MROH1: variants seen among roughly 807,000 people sequenced by gnomAD.
MROH1 encodes maestro heat like repeat family member 1.
Under a neutral mutation model 116.5 loss-of-function variants are expected in MROH1, and 117 were observed. That is an observed-to-expected ratio of 1.00 (90% CI 0.86 to 1.17). The LOEUF is 1.17. MROH1 is among the 50% of genes most tolerant of loss of function. The probability of loss-of-function intolerance (pLI) is 0.00; values close to 1 mark genes in which losing one functional copy is unlikely to be tolerated. For missense variants in MROH1, 1,873 were observed against 1,338.5 expected, an observed-to-expected ratio of 1.40 and a Z score of -6.23; for synonymous variants, 921 against 583.9, an observed-to-expected ratio of 1.58 and a Z score of -8.32.
intron 14 of MROH1, among the ~76,000 whole-genome samples, chr8:144,228,168 G>GTAT (rs1838167601): frequency 6.6e-6 from 1 of 152,142 alleles, no homozygotes; most frequent in Non-Finnish European, 1.5e-5. Flanking sequence ...ACAGGAGGCT[G>GTAT]AAGCTGCAGT....
chr8:144,191,635 CACGGGTGCTTGCTGG>C, intron 8 of MROH1, 65 bp from the exon 9 acceptor site: 2 of 1,549,666 alleles, frequency 1.3e-6, no homozygotes, highest in Non-Finnish European at 1.7e-6. Context: ...TCACGTCCGT[CACGGGTGCTTGCTGG>C]ACATGCTCTG....
intron 22 of MROH1, 69 bp downstream of exon 22, chr8:144,241,586 C>A (rs1840982976): frequency 3.9e-6 from 3 of 773,674 alleles, no homozygotes; most frequent in Non-Finnish European, 7.2e-6. Flanking sequence ...AGGGGGTGCC[C>A]TGCGGGCTGG....
chr8:144,170,857 C>G (rs1462225532), intron 4 of MROH1, among the ~76,000 whole-genome samples: 1 of 152,248 alleles, frequency 6.6e-6, no homozygotes, highest in African/African-American at 2.4e-5. Context: ...GACAGACAGA[C>G]TCCTCAGGGG....
In MROH1 at chr8:144,239,213, C is replaced by T. The variant is rs1405329851; in HGVS notation, c.1591+34C>T. 6.0e-4 allele frequency: 445 copies of T among 743,238 alleles called. 1 individual carries two copies. The African/African-American group carries it at 7.3e-3, about 12-fold the overall frequency. The allele number at this position is 743,238 out of a possible 1,614,324, so 46.0% of individuals were successfully genotyped here. On this transcript the variant is annotated intron_variant, in intron 16 of 43. Coordinates refer to ENST00000326134, the MANE Select transcript of MROH1 (RefSeq NM_032450.3). ...CGCGCCGTACCCCACCTCCCCACTC[C>T]TGCCCCCACTTCCCCACTCCTGCCC...
chr8:144,225,920 T>G (rs1393744939), intron 14 of MROH1, among the ~76,000 whole-genome samples: 4 of 144,428 alleles, frequency 2.8e-5, no homozygotes, highest in Non-Finnish European at 4.6e-5. Context: ...GTTTTTTTTT[T>G]TTTTTTTTTT....
At chr8:144,222,554 A>G (rs1836999583) in intron 13 of MROH1, among the ~76,000 whole-genome samples, 1 of 151,316 alleles carries the variant, frequency 6.6e-6, no homozygotes, top group Non-Finnish European at 1.5e-5. Flanking sequence ...AGACCCAGGT[A>G]GGTAGGTATA....
At chr8:144,199,250 G>T (rs750966290) in intron 11 of MROH1, 50 bp downstream of exon 11, 4 of 1,567,792 alleles carry the variant, frequency 2.6e-6, no homozygotes, top group Non-Finnish European at 3.5e-6. Context: ...ACACTCACAG[G>T]GTCACTGCCT....
intron 10 of MROH1, 26 bp downstream of exon 10, chr8:144,192,427 G>A (rs1004833616): frequency 5.8e-6 from 9 of 1,550,652 alleles, no homozygotes; most frequent in Admixed American, 1.9e-5. Flanking sequence ...CAGGGGGCGG[G>A]TCCAGGTTCT....
intron 1 of MROH1, among the ~76,000 whole-genome samples, chr8:144,154,655 A>G (rs887804245): frequency 7.3e-5 from 11 of 151,328 alleles, no homozygotes; most frequent in Non-Finnish European, 1.3e-4. Context: ...GCTGTGATTC[A>G]ATACTGCATC....
intron 4 of MROH1, among the ~76,000 whole-genome samples, chr8:144,173,982 G>A (rs1587879676): frequency 6.6e-6 from 1 of 152,126 alleles, no homozygotes; most frequent in Non-Finnish European, 1.5e-5. Context: ...GGAAGGACAG[G>A]TCATGTTCCC....
At position 144,168,363 on chromosome 8, in the gene MROH1, G is replaced by A. The variant is rs1407078962; in HGVS notation, c.91G>A (p.Ala31Thr). ...DPLVQEQVCS[A>T]LCSLGEARPV... ...CCTGGTGCAGGAGCAGGTCTGCAGT[G>A]CCCTGTGCTCCCTCGGGGAGGCGCG... is the stretch of plus-strand genomic sequence containing the variant. The change falls in exon 4 of 44, where the codon GCC becomes ACC. Residue 31 changes from alanine (A) to threonine (T), a missense_variant. Ala to Thr is a moderately conservative substitution (Grantham distance 58). Transcript: ENST00000326134. The A allele has an allele frequency of 3.1e-6, 5 of 1,611,090 alleles. No individual in the cohort carries two copies. Among genetic ancestry groups the A allele is most frequent in the Non-Finnish European group, 3.4e-6 (4 of 1,179,726 alleles).
At chr8:144,227,121 C>T (rs1053797281) in intron 14 of MROH1, among the ~76,000 whole-genome samples, 1 of 152,216 alleles carries the variant, frequency 6.6e-6, no homozygotes, top group Non-Finnish European at 1.5e-5. Flanking sequence ...GACCATGTAT[C>T]CTGTGGCTTT....
chr8:144,213,099 C>T lies in MROH1; in HGVS notation c.1142-7501C>T, dbSNP rs749248379. On this transcript the variant is annotated intron_variant, in intron 12 of 43. Coordinates refer to ENST00000326134, the MANE Select transcript of MROH1 (RefSeq NM_032450.3). ...GCTCCGCAGCCTGCTGATCTAACGGCCGCGCCCGCGTCTGTTGCTTGAGTC... is the reference window on the plus strand; with the variant it reads ...GCTCCGCAGCCTGCTGATCTAACGGTCGCGCCCGCGTCTGTTGCTTGAGTC... 7.7e-6 allele frequency: 6 copies of T among 776,346 alleles called. No individual in the cohort carries two copies. In the South Asian group the frequency reaches 8.0e-5, roughly 10 times the overall value. 48.1% of individuals were successfully genotyped at this position (776,346 alleles called of 1,614,324 possible). A position where few individuals can be genotyped will look rare whatever the true frequency, so the allele number is the denominator to read the frequency against.
At chr8:144,155,112 G>A (rs949429149) in intron 1 of MROH1, among the ~76,000 whole-genome samples, 2 of 152,008 alleles carry the variant, frequency 1.3e-5, no homozygotes, top group South Asian at 2.1e-4. Context: ...CACCACGCCC[G>A]GCCTAATTTT....
chr8:144,175,622 T>C, intron 4 of MROH1: 1 of 10,816 alleles, frequency 9.2e-5, no homozygotes, highest in African/African-American at 1.0e-4. Flanking sequence ...GTGTCTAGAT[T>C]ATGAAAGTCA....
At chr8:144,256,211 C>G (rs2129676930) in intron 35 of MROH1, among the ~76,000 whole-genome samples, 1 of 152,274 alleles carries the variant, frequency 6.6e-6, no homozygotes, top group East Asian at 1.9e-4. Context: ...ATAGCACAGA[C>G]AGAGGAGGCT....
At chr8:144,181,832 G>A (rs945828452) in intron 7 of MROH1, among the ~76,000 whole-genome samples, 3 of 152,036 alleles carry the variant, frequency 2.0e-5, no homozygotes, top group Non-Finnish European at 4.4e-5. Context: ...CACGCACATC[G>A]CCCCTTCCCG....
At chr8:144,255,431 T>G in intron 34 of MROH1, 78 bp from the exon 35 acceptor site, 1 of 734,444 alleles carries the variant, frequency 1.4e-6, no homozygotes, top group South Asian at 1.4e-5. Flanking sequence ...CGAAGGGGGA[T>G]GCAGTCTCAT....
chr8:144,241,961 C>CT (rs1277059638), intron 22 of MROH1, among the ~76,000 whole-genome samples: 3 of 152,238 alleles, frequency 2.0e-5, no homozygotes, highest in Non-Finnish European at 4.4e-5. Flanking sequence ...CATCTCAGGG[C>CT]TGGACCAAGC....
Sources: gnomAD v4.1 joint callset for allele counts (sites outside exome capture counted in the v4.1 genomes callset) on GRCh38, gnomAD v4.1.1 for gene constraint, MANE v1.5 for transcripts, NCBI Gene and HGNC (gene_info 2026-07-23, HGNC 2026-07-21) for gene names.